Variants in TBX5 observed in about 807,000 individuals in gnomAD.
The protein encoded by TBX5 is T-box transcription factor 5.
A neutral mutation model predicts 51.1 loss-of-function variants in TBX5; 8 were observed. The observed-to-expected ratio is 0.16, with a 90% CI of 0.09 to 0.28. The LOEUF (loss-of-function observed/expected upper bound fraction) is 0.28, where lower values mean the gene tolerates loss of function less well. Among genes scored for constraint, TBX5 ranks in the 10% least tolerant of loss-of-function variants. The pLI is 1.00. For missense variants in TBX5, 589 were observed against 671.7 expected, an observed-to-expected ratio of 0.88 and a Z score of 1.36; for synonymous variants, 302 against 266.4, an observed-to-expected ratio of 1.13 and a Z score of -1.30.
At chr12:114,363,572 GTC>G (rs746592254) in intron 8 of TBX5, among the ~76,000 whole-genome samples, 5 of 152,318 alleles carry the variant, frequency 3.3e-5, no homozygotes, top group Middle Eastern at 3.4e-3. Context: ...GTTTGACCCA[GTC>G]TCAAAGACAG....
chr12:114,377,431 C>T (rs1221836829), intron 7 of TBX5, among the ~76,000 whole-genome samples: 8 of 152,172 alleles, frequency 5.3e-5, no homozygotes, highest in Admixed American at 5.2e-4. Context: ...TGCTCTGTTG[C>T]TCAGGCTGGA....
chr12:114,396,399 G>T (rs1871432029), intron 5 of TBX5, among the ~76,000 whole-genome samples: 1 of 152,110 alleles, frequency 6.6e-6, no homozygotes, highest in Non-Finnish European at 1.5e-5. Flanking sequence ...ACATCAGCGC[G>T]AGGGCGATCT....
intron 6 of TBX5, among the ~76,000 whole-genome samples, chr12:114,393,735 G>C (rs1010807871): frequency 6.6e-6 from 1 of 152,082 alleles, no homozygotes; most frequent in Non-Finnish European, 1.5e-5. Flanking sequence ...CCATGCGACA[G>C]CATACCGCCC....
At chr12:114,397,189 T>C (rs1871479394) in intron 5 of TBX5, among the ~76,000 whole-genome samples, 1 of 152,120 alleles carries the variant, frequency 6.6e-6, no homozygotes, top group African/African-American at 2.4e-5. Flanking sequence ...TCCCCTCCTT[T>C]CCCTGAAATC....
chr12:114,359,766 C>T (rs1254496520), intron 8 of TBX5, among the ~76,000 whole-genome samples: 4 of 152,294 alleles, frequency 2.6e-5, no homozygotes, highest in South Asian at 4.1e-4. Context: ...GGATGAATCA[C>T]CAGGTCATTC....
At chr12:114,385,393 G>A (rs2136397593) in intron 7 of TBX5, 83 bp downstream of exon 7, 2 of 1,137,724 alleles carry the variant, frequency 1.8e-6, no homozygotes, top group Non-Finnish European at 2.7e-6. Context: ...GCTGGTGGAG[G>A]GAGGTGCTGG....
intron 7 of TBX5, among the ~76,000 whole-genome samples, chr12:114,372,436 C>A (rs1053568329): frequency 6.6e-5 from 10 of 151,738 alleles, no homozygotes. Context: ...TCCCAGGTAG[C>A]TGGAACTGTA....
chr12:114,385,719 C>T, intron 6 of TBX5, 152 bp from the exon 7 acceptor site: 2 of 708,462 alleles, frequency 2.8e-6, no homozygotes, highest in Non-Finnish European at 5.1e-6. Flanking sequence ...GGACCCACCA[C>T]TTCATTCAAG....
At position 114,383,016 on chromosome 12, in the gene TBX5, C is replaced by T. The variant is rs11067093; in HGVS notation, c.755+2460G>A. Among the ~76,000 whole-genome samples, 439 of 150,840 alleles carry T rather than the reference C, an allele frequency of 2.9e-3. 11 individuals carry two copies. In the East Asian group the frequency reaches 0.074, roughly 25 times the overall value. ...AAAAAGAGCTTTTAGAAAAGACTCCCTTGATGACTGACATCTGACATCTGA... is the reference window on the plus strand; with the variant it reads ...AAAAAGAGCTTTTAGAAAAGACTCCTTTGATGACTGACATCTGACATCTGA... On this transcript the variant is annotated intron_variant, in intron 7 of 8. Transcript: ENST00000405440.
chr12:114,405,999 G>C lies in TBX5; in HGVS notation c.-410C>G, dbSNP rs1872193003. On this transcript the variant is annotated 5_prime_UTR_variant, in exon 1 of 9. Coordinates refer to ENST00000405440, the MANE Select transcript of TBX5 (RefSeq NM_181486.4). ...CCAGTGAATGGTCGAAGTCCTTTCTGAGCGCAGCTTTCAGGATTAAAGTTC... is the reference window on the plus strand; with the variant it reads ...CCAGTGAATGGTCGAAGTCCTTTCTCAGCGCAGCTTTCAGGATTAAAGTTC... 1 of 985,188 alleles carries C rather than the reference G, an allele frequency of 1.0e-6. No homozygotes were observed. The highest frequency in any genetic ancestry group is 4.7e-5 in the South Asian group (1 of 21,286). The allele number at this position is 985,188 out of a possible 1,614,324, so 61.0% of individuals were successfully genotyped here. A position where few individuals can be genotyped will look rare whatever the true frequency, so the allele number is the denominator to read the frequency against.
intron 6 of TBX5, among the ~76,000 whole-genome samples, chr12:114,394,137 T>C (rs1052215007): frequency 3.3e-5 from 5 of 152,054 alleles, no homozygotes; most frequent in Admixed American, 6.6e-5. Context: ...AGAGACCCCG[T>C]CTTTACAAAA....
intron 6 of TBX5, among the ~76,000 whole-genome samples, chr12:114,394,425 C>A (rs572771791): frequency 6.6e-6 from 1 of 152,318 alleles, no homozygotes; most frequent in South Asian, 2.1e-4. Context: ...CCTTTCTTCC[C>A]ACTAGGCATT....
In TBX5 at chr12:114,356,225, C is replaced by T. The variant is rs1010525892; in HGVS notation, c.983-119G>A. ...GTCCTGAGAGACTGTTAGCCCTAACCGCCATTCTGAATACAAAAAAAGGGG... is the reference window on the plus strand; with the variant it reads ...GTCCTGAGAGACTGTTAGCCCTAACTGCCATTCTGAATACAAAAAAAGGGG... On this transcript the variant is annotated intron_variant, in intron 8 of 8. Transcript: ENST00000405440. 112 of 992,106 alleles carry T rather than the reference C, an allele frequency of 1.1e-4. No individual in the cohort carries two copies. The African/African-American group carries it at 1.3e-3, about 11-fold the overall frequency. The allele number at this position is 992,106 out of a possible 1,614,324, so 61.5% of individuals were successfully genotyped here.
At chr12:114,360,518 T>G (rs1331509537) in intron 8 of TBX5, among the ~76,000 whole-genome samples, 4 of 131,936 alleles carry the variant, frequency 3.0e-5, no homozygotes, top group African/African-American at 8.8e-5. Flanking sequence ...ATGGGTGGGT[T>G]GATGGATGAG....
chr12:114,370,833 G>A (rs10744824), intron 7 of TBX5, among the ~76,000 whole-genome samples: 122,333 of 151,876 alleles, frequency 0.81, 49,500 homozygotes, highest in East Asian at 0.91. Flanking sequence ...GTTTGGTTAC[G>A]TGGATTAGTT....
At chr12:114,405,313 C>T (rs576666494) in intron 1 of TBX5, among the ~76,000 whole-genome samples, 1 of 152,300 alleles carries the variant, frequency 6.6e-6, no homozygotes, top group East Asian at 1.9e-4. Flanking sequence ...CACGCGCTCC[C>T]ATTCACTGCC....
chr12:114,364,812 G>T (rs2136371397), intron 8 of TBX5, among the ~76,000 whole-genome samples: 1 of 152,236 alleles, frequency 6.6e-6, no homozygotes, highest in South Asian at 2.1e-4. Flanking sequence ...AGAAACTGAG[G>T]CTAGGAGAGG....
Position 114,401,809 on chromosome 12 carries a change from A to G in TBX5, c.242+17T>C, listed in dbSNP as rs760322555. 6.2e-7 allele frequency: 1 copy of G among 1,612,966 alleles called. No individual in the cohort carries two copies. The highest frequency in any genetic ancestry group is 1.1e-5 in the South Asian group (1 of 91,042). ...AATTTCTCCTCGTCCCTCTCTCTAC[A>G]CAACAAACCATCTCACCTTCCAGCC... is the stretch of plus-strand genomic sequence containing the variant. On this transcript the variant is annotated intron_variant, in intron 3 of 8. Coordinates refer to ENST00000405440, the MANE Select transcript of TBX5 (RefSeq NM_181486.4).
chr12:114,377,358 T>G (rs1266308185), intron 7 of TBX5, among the ~76,000 whole-genome samples: 4 of 152,172 alleles, frequency 2.6e-5, no homozygotes, highest in Non-Finnish European at 5.9e-5. Flanking sequence ...AATTTTAACC[T>G]TTTAGGAGAC....
Sources: gnomAD v4.1 joint callset for allele counts (sites outside exome capture counted in the v4.1 genomes callset) on GRCh38, gnomAD v4.1.1 for gene constraint, MANE v1.5 for transcripts, NCBI Gene and HGNC (gene_info 2026-07-23, HGNC 2026-07-21) for gene names.